PLB1: variants seen among roughly 807,000 people sequenced by gnomAD.
PLB1 encodes phospholipase B1, membrane-associated.
PLB1 carries 242 observed loss-of-function variants against 227.4 expected under a neutral mutation model. The observed-to-expected ratio is 1.06, with a 90% CI of 0.96 to 1.18. PLB1 has a LOEUF of 1.18. PLB1 is among the 50% of genes most tolerant of loss of function. The pLI is 0.00. For synonymous variants in PLB1, 757 were observed against 682.2 expected, an observed-to-expected ratio of 1.11 and a Z score of -1.71; for missense variants, 1,858 against 1,816.3, an observed-to-expected ratio of 1.02 and a Z score of -0.42.
intron 20 of PLB1, 77 bp downstream of exon 20, chr2:28,566,916 C>T: frequency 1.3e-6 from 2 of 1,554,528 alleles, no homozygotes; most frequent in Non-Finnish European, 1.8e-6. Context: ...GCAGGTGGCG[C>T]GGGCCTCGGG....
intron 29 of PLB1, 38 bp from the exon 30 acceptor site, chr2:28,591,095 A>G (rs766786086): frequency 3.7e-6 from 6 of 1,613,572 alleles, no homozygotes; most frequent in Non-Finnish European, 5.1e-6. Context: ...AGAAGTGAGC[A>G]GAATTTGCTG....
chr2:28,640,731 T>C (rs1689874982), intron 56 of PLB1, among the ~76,000 whole-genome samples, 196 bp from the exon 57 acceptor site: 1 of 152,156 alleles, frequency 6.6e-6, no homozygotes, highest in Non-Finnish European at 1.5e-5. Flanking sequence ...CTGCCTAGCC[T>C]TCTGTGTGTC....
Position 28,529,133 on chromosome 2 carries a change from CA to C in PLB1, c.326-183del, listed in dbSNP as rs572227592. ...CGGCTGATTTTTGTTTTCATAGAGA[CA>C]GGGTTTTGCTCTGTTGCCCTGCCTG... is the stretch of plus-strand genomic sequence containing the variant. On this transcript the variant is annotated intron_variant, in intron 6 of 57. Transcript: ENST00000327757. 2.0e-5 allele frequency among the ~76,000 whole-genome samples: 3 copies of C among 151,816 alleles called. No individual in the cohort carries two copies. In the South Asian group the frequency reaches 6.3e-4, roughly 32 times the overall value.
At chr2:28,635,674 C>T (rs1689208449) in intron 56 of PLB1, among the ~76,000 whole-genome samples, 1 of 152,242 alleles carries the variant, frequency 6.6e-6, no homozygotes, top group Admixed American at 6.5e-5. Flanking sequence ...CCTGCCCCTC[C>T]TCTCACGTCC....
intron 56 of PLB1, among the ~76,000 whole-genome samples, chr2:28,639,971 G>A (rs774151623): frequency 5.9e-5 from 9 of 152,138 alleles, no homozygotes; most frequent in Non-Finnish European, 1.0e-4. Flanking sequence ...TCTGCCCATC[G>A]TGCTCAGTCT....
In PLB1 at chr2:28,601,244, C is replaced by T. The variant is rs1207314660; in HGVS notation, c.2527-8C>T. ...GAAATTATCAAGCATTTTCCTCCCT[C>T]CATATAGAGAGTAAATTTCCATGAA... is the stretch of plus-strand genomic sequence containing the variant. On this transcript the variant is annotated splice_region_variant and splice_polypyrimidine_tract_variant and intron_variant, in intron 36 of 57. Transcript: ENST00000327757. 4 of 1,609,136 alleles carry T rather than the reference C, an allele frequency of 2.5e-6. No individual in the cohort carries two copies.
At chr2:28,548,415 G>T in intron 14 of PLB1, 1 of 338,612 alleles carries the variant, frequency 3.0e-6, no homozygotes. Context: ...AAGCCAAGCT[G>T]GATAACCGGC....
At chr2:28,590,574 A>G (rs967311712) in intron 29 of PLB1, among the ~76,000 whole-genome samples, 4 of 152,056 alleles carry the variant, frequency 2.6e-5, no homozygotes, top group South Asian at 2.1e-4. Context: ...TTTTACTCAC[A>G]AGTTCTCAGA....
chr2:28,525,832 C>CA (rs1484509653), intron 5 of PLB1, 73 bp from the exon 6 acceptor site: 6 of 1,564,886 alleles, frequency 3.8e-6, no homozygotes, highest in Non-Finnish European at 5.3e-6. Context: ...AAATAGACCA[C>CA]AGCCAAGGGG....
At position 28,639,201 on chromosome 2, in the gene PLB1, A is replaced by G. The variant is rs75300279; in HGVS notation, c.4099-1726A>G. Reference sequence around the variant, plus strand: ...CTTTCAACTCCAGTGAGAGATGAGAAGGAGAGTGTGGAGGTAGATGGGAAA... The same window carrying G: ...CTTTCAACTCCAGTGAGAGATGAGAGGGAGAGTGTGGAGGTAGATGGGAAA... On this transcript the variant is annotated intron_variant, in intron 56 of 57. Coordinates refer to ENST00000327757, the MANE Select transcript of PLB1 (RefSeq NM_153021.5). Among the ~76,000 whole-genome samples, 446 of 152,284 alleles carry G rather than the reference A, an allele frequency of 2.9e-3. 4 individuals are homozygous for G. Among genetic ancestry groups the G allele is most frequent in the African/African-American group, 0.01 (428 of 41,564 alleles).
intron 19 of PLB1, among the ~76,000 whole-genome samples, chr2:28,566,175 G>A (rs551293043): frequency 6.6e-6 from 1 of 152,130 alleles, no homozygotes; most frequent in East Asian, 1.9e-4. Flanking sequence ...CCTTCCTCAC[G>A]TTGCAACACA....
At chr2:28,513,650 C>G (rs72860571) in intron 1 of PLB1, among the ~76,000 whole-genome samples, 3,785 of 152,328 alleles carry the variant, frequency 0.025, 160 homozygotes, top group African/African-American at 0.087. Context: ...TTTGAACAGA[C>G]ACTTGCACGC....
At chr2:28,536,037 G>A (rs1487772178) in intron 9 of PLB1, among the ~76,000 whole-genome samples, 1 of 152,200 alleles carries the variant, frequency 6.6e-6, no homozygotes, top group African/African-American at 2.4e-5. Context: ...TACAGAGCAG[G>A]TGTCAAGGGT....
In PLB1 at chr2:28,543,217, C is replaced by A. The variant is rs754909804; in HGVS notation, c.885C>A (p.Asp295Glu). The A allele has an allele frequency of 1.9e-6, 3 of 1,610,082 alleles. No homozygotes were observed. The highest frequency in any genetic ancestry group is 2.2e-5 in the South Asian group (2 of 89,866). The change falls in exon 14 of 58, where the codon GAC (aspartate) becomes GAA (glutamate). Residue 295 changes from aspartate to glutamate, a missense_variant. By Grantham distance (45) the Asp-to-Glu change is conservative. Coordinates refer to ENST00000327757, the MANE Select transcript of PLB1 (RefSeq NM_153021.5). ...YETTPSLHSE[D>E]PRLQDSTTLA... ...GTCAACTGGTTCTCTTTTAGGAGGA[C>A]CCCCGACTCCAGGATTCTACCACGC...
intron 51 of PLB1, 44 bp from the exon 52 acceptor site, chr2:28,628,519 A>T: frequency 6.4e-7 from 1 of 1,571,742 alleles, no homozygotes; most frequent in Non-Finnish European, 8.8e-7. Context: ...ATTCTCTCAG[A>T]GCGGGCACCA....
chr2:28,576,907 C>T (rs747092172), intron 21 of PLB1, among the ~76,000 whole-genome samples: 15 of 152,182 alleles, frequency 9.9e-5, no homozygotes, highest in Non-Finnish European at 1.8e-4. Flanking sequence ...TGACTCACAT[C>T]AGGCCAGTAG....
At position 28,532,412 on chromosome 2, in the gene PLB1, G is replaced by A. The variant is rs182871830; in HGVS notation, c.555+218G>A. 3.3e-4 allele frequency among the ~76,000 whole-genome samples: 51 copies of A among 152,298 alleles called. No homozygotes were observed. The East Asian group carries it at 8.9e-3, about 26-fold the overall frequency. ...CAAAGAAACGTACGCTTGAACAGGCGTTCTGTGGGTTTTATTGCTTCAATT... is the reference window on the plus strand; with the variant it reads ...CAAAGAAACGTACGCTTGAACAGGCATTCTGTGGGTTTTATTGCTTCAATT... On this transcript the variant is annotated intron_variant, in intron 9 of 57. Coordinates refer to ENST00000327757, the MANE Select transcript of PLB1 (RefSeq NM_153021.5).
At chr2:28,628,672 C>T (rs1045613695) in intron 52 of PLB1, 44 bp downstream of exon 52, 1 of 1,581,456 alleles carries the variant, frequency 6.3e-7, no homozygotes, top group Non-Finnish European at 8.7e-7. Context: ...CAGCCACCTC[C>T]CTGGGATGCA....
chr2:28,504,568 C>A (rs1048453805), intron 1 of PLB1, among the ~76,000 whole-genome samples: 7 of 152,002 alleles, frequency 4.6e-5, no homozygotes, highest in Non-Finnish European at 1.0e-4. Flanking sequence ...CATGGTGAAA[C>A]CCCATCTCTA....
Sources: allele counts gnomAD v4.1 joint callset (sites outside exome capture counted in the v4.1 genomes callset), GRCh38; gene constraint gnomAD v4.1.1; transcripts MANE v1.5; gene names NCBI Gene and HGNC (gene_info 2026-07-23, HGNC 2026-07-21).